Variants in ST8SIA6 observed in about 807,000 individuals in gnomAD.
ST8SIA6 encodes alpha-2,8-sialyltransferase 8F.
A neutral mutation model predicts 33.6 loss-of-function variants in ST8SIA6; 39 were observed. The observed-to-expected ratio is 1.16, with a 90% CI of 0.90 to 1.52. ST8SIA6 has a LOEUF of 1.52. Ranked by LOEUF, ST8SIA6 falls within the 40% of genes most tolerant of loss-of-function variation. The pLI is 0.00. For missense variants in ST8SIA6, 441 were observed against 443.8 expected (o/e 0.99, Z 0.06); for synonymous variants, 172 against 167.2 (o/e 1.03, Z -0.22).
intron 3 of ST8SIA6, among the ~76,000 whole-genome samples, chr10:17,373,826 T>G (rs1849807123): frequency 6.6e-6 from 1 of 152,190 alleles, no homozygotes; most frequent in South Asian, 2.1e-4. Context: ...GACTAGTTAT[T>G]TGAGGAACTA....
intron 3 of ST8SIA6, among the ~76,000 whole-genome samples, chr10:17,387,459 G>T (rs1027216810): frequency 8.1e-4 from 110 of 136,558 alleles, no homozygotes; most frequent in Non-Finnish European, 1.3e-3. Flanking sequence ...GGGGGGGGGG[G>T]GTTCTCCATG....
chr10:17,332,423 A>C (rs1848329861), intron 4 of ST8SIA6, among the ~76,000 whole-genome samples: 1 of 152,156 alleles, frequency 6.6e-6, no homozygotes, highest in Non-Finnish European at 1.5e-5. Context: ...GTGTAAAAGC[A>C]TTCCTATTTC....
intron 3 of ST8SIA6, among the ~76,000 whole-genome samples, chr10:17,367,652 A>G (rs752680497): frequency 1.3e-5 from 2 of 152,190 alleles, no homozygotes; most frequent in Non-Finnish European, 2.9e-5. Context: ...GAAAAAAATG[A>G]TGACCCATTT....
chr10:17,344,512 G>C (rs552940574), intron 4 of ST8SIA6, among the ~76,000 whole-genome samples: 1 of 152,146 alleles, frequency 6.6e-6, no homozygotes, highest in Admixed American at 6.5e-5. Flanking sequence ...ACAGTATGGG[G>C]GAAACCACTC....
At position 17,333,706 on chromosome 10, in the gene ST8SIA6, T is replaced by G. The variant is rs1452864012; in HGVS notation, c.378-2154A>C. ...ATATATATATATATATATATATATA[T>G]ATATATATATATTTTTTTTTTTTTT... On this transcript the variant is annotated intron_variant, in intron 4 of 7. Coordinates refer to ENST00000377602, the MANE Select transcript of ST8SIA6 (RefSeq NM_001004470.3). Among the ~76,000 whole-genome samples the G allele has an allele frequency of 1.2e-3, 36 of 30,826 alleles. 1 individual carries two copies. Among genetic ancestry groups the G allele is most frequent in the African/African-American group, 5.6e-3 (34 of 6,090 alleles). The allele number at this position is 30,826 out of a possible 152,430, so 20.2% of individuals were successfully genotyped here.
intron 2 of ST8SIA6, among the ~76,000 whole-genome samples, chr10:17,391,038 A>G (rs1850584566): frequency 1.3e-5 from 2 of 150,808 alleles, no homozygotes; most frequent in Admixed American, 1.3e-4. Context: ...TTGTATTTTT[A>G]GTAGAGACGG....
chr10:17,382,321 A>C (rs371561262), intron 3 of ST8SIA6, among the ~76,000 whole-genome samples: 1 of 152,142 alleles, frequency 6.6e-6, no homozygotes. Flanking sequence ...GCTGGAATGC[A>C]TTGGTACAAT....
At chr10:17,323,392 C>CTTT (rs760856694) in intron 6 of ST8SIA6, among the ~76,000 whole-genome samples, 34 of 111,868 alleles carry the variant, frequency 3.0e-4, no homozygotes, top group East Asian at 5.7e-4. Context: ...AAATATACAC[C>CTTT]TTTTTTTTTT....
chr10:17,326,786 CAG>C (rs1848144011), intron 6 of ST8SIA6, among the ~76,000 whole-genome samples: 1 of 152,302 alleles, frequency 6.6e-6, no homozygotes, highest in East Asian at 1.9e-4. Context: ...CAATTTCACC[CAG>C]AGTTTCCTAA....
intron 3 of ST8SIA6, among the ~76,000 whole-genome samples, chr10:17,364,056 CA>C (rs1239459975): frequency 7.4e-6 from 1 of 135,460 alleles, no homozygotes; most frequent in Non-Finnish European, 1.5e-5. Context: ...TTATTACTAC[CA>C]AAATTTTGTG....
At chr10:17,333,600 C>T (rs1387535342) in intron 4 of ST8SIA6, among the ~76,000 whole-genome samples, 1 of 142,798 alleles carries the variant, frequency 7.0e-6, no homozygotes, top group Non-Finnish European at 1.5e-5. Flanking sequence ...CATCTACAAC[C>T]ATCTGATCTT....
intron 2 of ST8SIA6, among the ~76,000 whole-genome samples, chr10:17,432,743 C>G (rs1440684419): frequency 6.6e-6 from 1 of 152,170 alleles, no homozygotes; most frequent in Non-Finnish European, 1.5e-5. Flanking sequence ...TGTGGACGAA[C>G]TGTAACCTAG....
chr10:17,429,852 T>G (rs1852050420), intron 2 of ST8SIA6, among the ~76,000 whole-genome samples: 1 of 152,194 alleles, frequency 6.6e-6, no homozygotes, highest in Non-Finnish European at 1.5e-5. Flanking sequence ...ATCTGGTACC[T>G]TCTTCTATAG....
intron 4 of ST8SIA6, among the ~76,000 whole-genome samples, chr10:17,353,217 G>A (rs12256670): frequency 0.22 from 34,222 of 152,108 alleles, 4,019 homozygotes; most frequent in African/African-American, 0.29. Context: ...ACCAAAGTCA[G>A]ACAATACTGT....
At chr10:17,340,136 C>T (rs563963560) in intron 4 of ST8SIA6, among the ~76,000 whole-genome samples, 37 of 152,280 alleles carry the variant, frequency 2.4e-4, no homozygotes, top group African/African-American at 8.4e-4. Flanking sequence ...ATCAGTATGT[C>T]GATATGTTCA....
chr10:17,390,423 TGA>T (rs1040713398), intron 3 of ST8SIA6, 106 bp downstream of exon 3: 13 of 948,036 alleles, frequency 1.4e-5, no homozygotes, highest in Admixed American at 2.2e-5. Context: ...ATGGTAAGCC[TGA>T]GAGTGAACAG....
intron 2 of ST8SIA6, among the ~76,000 whole-genome samples, chr10:17,453,081 G>T (rs1466487604): frequency 6.6e-5 from 10 of 151,686 alleles, no homozygotes; most frequent in Non-Finnish European, 1.5e-4. Context: ...ACATGTGAAT[G>T]ATAAGAAAAA....
intron 3 of ST8SIA6, among the ~76,000 whole-genome samples, chr10:17,375,486 C>T (rs1250911562): frequency 6.6e-6 from 1 of 152,226 alleles, no homozygotes; most frequent in East Asian, 1.9e-4. Flanking sequence ...GCATTTCACC[C>T]TGCAAAACGG....
intron 4 of ST8SIA6, among the ~76,000 whole-genome samples, chr10:17,350,110 G>A (rs1479045657): frequency 6.6e-6 from 1 of 152,192 alleles, no homozygotes; most frequent in East Asian, 1.9e-4. Context: ...GGTGGAAGTG[G>A]TTGGAGCGAT....
Sources: gnomAD v4.1 joint callset for allele counts (sites outside exome capture counted in the v4.1 genomes callset) on GRCh38, gnomAD v4.1.1 for gene constraint, MANE v1.5 for transcripts, NCBI Gene and HGNC (gene_info 2026-07-23, HGNC 2026-07-21) for gene names.